Variants in VAPB observed in about 807,000 individuals in gnomAD.
VAPB encodes the protein VAMP associated protein B and C, also known as vesicle-associated membrane protein-associated protein B/C.
A neutral mutation model predicts 25.6 loss-of-function variants in VAPB; 7 were observed. The observed-to-expected ratio is 0.27, with a 90% confidence interval of 0.16 to 0.51. The LOEUF (loss-of-function observed/expected upper bound fraction) is 0.51, where lower values mean the gene tolerates loss of function less well. Among genes scored for constraint, VAPB ranks in the 20% least tolerant of loss-of-function variants. VAPB has a pLI of 0.97. For missense variants in VAPB, 266 were observed against 301.3 expected (o/e 0.88, Z 0.87); for synonymous variants, 112 against 109.2 (o/e 1.03, Z -0.16).
intron 1 of VAPB, among the ~76,000 whole-genome samples, chr20:58,395,090 CT>C (rs541399595): frequency 2.4e-4 from 37 of 151,444 alleles, no homozygotes; most frequent in African/African-American, 8.3e-4. Context: ...AATACTACCC[CT>C]AGGCATGATT....
chr20:58,429,113 G>T (rs1044081801), intron 2 of VAPB, among the ~76,000 whole-genome samples: 10 of 151,846 alleles, frequency 6.6e-5, no homozygotes, highest in Non-Finnish European at 1.2e-4. Flanking sequence ...TTTAAAAAAT[G>T]AAGCATATGC....
At chr20:58,429,381 A>C (rs540821892) in intron 2 of VAPB, among the ~76,000 whole-genome samples, 1 of 152,328 alleles carries the variant, frequency 6.6e-6, no homozygotes, top group South Asian at 2.1e-4. Context: ...TGCTCTGTTA[A>C]AGTGATTGCT....
chr20:58,419,216 A>C (rs905356285), intron 2 of VAPB, among the ~76,000 whole-genome samples: 1 of 152,170 alleles, frequency 6.6e-6, no homozygotes, highest in African/African-American at 2.4e-5. Flanking sequence ...GGCTTTTTCC[A>C]TGATAGATTT....
rs568150089 is a variant in VAPB, at chr20:58,449,612, A to G, written c.*5377A>G. The G allele has an allele frequency of 2.2e-6, 1 of 454,076 alleles. No homozygotes were observed. Among genetic ancestry groups the G allele is most frequent in the Non-Finnish European group, 4.4e-6 (1 of 226,728 alleles). 28.1% of individuals were successfully genotyped at this position (454,076 alleles called of 1,614,324 possible). A position where few individuals can be genotyped will look rare whatever the true frequency, so the allele number is the denominator to read the frequency against. On this transcript the variant is annotated 3_prime_UTR_variant, in exon 6 of 6. Transcript: ENST00000475243. ...CGATATGGATTGCTTTGATTAAAAG[A>G]TGTCAGTTGAATAAAACAGTACTGT...
chr20:58,435,009 G>A (rs188712291), intron 3 of VAPB, among the ~76,000 whole-genome samples: 16 of 152,034 alleles, frequency 1.1e-4, no homozygotes, highest in African/African-American at 3.6e-4. Context: ...GCCTTCTTTC[G>A]CCTCTCCTTT....
rs775084221 is a variant in VAPB, at chr20:58,445,770, T to C, written c.*1535T>C. Reference sequence around the variant, plus strand: ...CTGACAGTATGAAAAATGAAACTGCTGAAAAAGCTGAGCACCTGGTCACCC... The same window carrying C: ...CTGACAGTATGAAAAATGAAACTGCCGAAAAAGCTGAGCACCTGGTCACCC... On this transcript the variant is annotated 3_prime_UTR_variant, in exon 6 of 6. Transcript: ENST00000475243. The C allele has an allele frequency of 2.2e-6, 1 of 453,550 alleles. No homozygotes were observed. Among genetic ancestry groups the C allele is most frequent in the South Asian group, 1.6e-5 (1 of 64,454 alleles). 28.1% of individuals were successfully genotyped at this position (453,550 alleles called of 1,614,324 possible).
Position 58,445,096 on chromosome 20 carries a change from T to C in VAPB, c.*861T>C, listed in dbSNP as rs779052440. 4 of 454,028 alleles carry C rather than the reference T, an allele frequency of 8.8e-6. 1 individual carries two copies. In the East Asian group the frequency reaches 2.8e-4, roughly 32 times the overall value. The allele number at this position is 454,028 out of a possible 1,614,324, so 28.1% of individuals were successfully genotyped here. A position where few individuals can be genotyped will look rare whatever the true frequency, so the allele number is the denominator to read the frequency against. The stretch of plus-strand genomic sequence containing the variant: ...TCTGGAGAGTCTGGTCATGTGGAGG[T>C]GGGGTTTATTGGGATGCTGGAGAAG... On this transcript the variant is annotated 3_prime_UTR_variant, in exon 6 of 6. Transcript: ENST00000475243.
Position 58,418,232 on chromosome 20 carries a change from C to T in VAPB, c.80C>T (p.Thr27Ile). Residue 27 changes from threonine (T) to isoleucine (I), a missense_variant, in exon 2 of 6, where the codon ACC becomes ATC. Thr to Ile is a moderately conservative substitution (Grantham distance 89, BLOSUM62 -1). Coordinates refer to ENST00000475243, the MANE Select transcript of VAPB (RefSeq NM_004738.5). ...ACAGGTCCCTTCACCGATGTTGTCA[C>T]CACCAACCTAAAGCTTGGCAACCCG... ...KFRGPFTDVV[T>I]TNLKLGNPTD... 3.1e-6 allele frequency: 5 copies of T among 1,614,154 alleles called. No homozygotes were observed. Among genetic ancestry groups the T allele is most frequent in the Non-Finnish European group, 4.2e-6 (5 of 1,180,036 alleles).
At chr20:58,405,572 C>G (rs538554171) in intron 1 of VAPB, among the ~76,000 whole-genome samples, 1 of 151,336 alleles carries the variant, frequency 6.6e-6, no homozygotes, top group South Asian at 2.1e-4. Flanking sequence ...AAGCAATTCT[C>G]TTGCCTCAGC....
chr20:58,404,775 G>A (rs1238416015), intron 1 of VAPB, among the ~76,000 whole-genome samples: 1 of 151,994 alleles, frequency 6.6e-6, no homozygotes, highest in Non-Finnish European at 1.5e-5. Flanking sequence ...CAGTCCTAGA[G>A]ATTCTGATTC....
At chr20:58,426,988 C>T (rs549291556) in intron 2 of VAPB, among the ~76,000 whole-genome samples, 8 of 151,922 alleles carry the variant, frequency 5.3e-5, no homozygotes, top group Middle Eastern at 6.9e-3. Flanking sequence ...ATGATGCAGG[C>T]GAAAGTGATC....
At chr20:58,403,876 G>A (rs1207476492) in intron 1 of VAPB, among the ~76,000 whole-genome samples, 2 of 152,112 alleles carry the variant, frequency 1.3e-5, no homozygotes, top group African/African-American at 4.8e-5. Context: ...CTGGATCTTG[G>A]GAATGGCCCT....
chr20:58,451,040 A>G lies in VAPB; in HGVS notation c.*6805A>G, dbSNP rs189754910. On this transcript the variant is annotated 3_prime_UTR_variant, in exon 6 of 6. Coordinates refer to ENST00000475243, the MANE Select transcript of VAPB (RefSeq NM_004738.5). ...TGAAACCTGCCCTGCCAAGGCATAA[A>G]CTTTTGTACTAGCTGTCTCCATATT... 2.2e-6 allele frequency: 1 copy of G among 445,860 alleles called. No homozygotes were observed. The highest frequency in any genetic ancestry group is 2.4e-5 in the Admixed American group (1 of 41,524). The allele number at this position is 445,860 out of a possible 1,614,324, so 27.6% of individuals were successfully genotyped here. A position where few individuals can be genotyped will look rare whatever the true frequency, so the allele number is the denominator to read the frequency against.
Position 58,449,560 on chromosome 20 carries a change from C to G in VAPB, c.*5325C>G, listed in dbSNP as rs564127180. 2.2e-6 allele frequency: 1 copy of G among 454,000 alleles called. No homozygotes were observed. The highest frequency in any genetic ancestry group is 1.6e-5 in the South Asian group (1 of 64,472). The allele number at this position is 454,000 out of a possible 1,614,324, so 28.1% of individuals were successfully genotyped here. On this transcript the variant is annotated 3_prime_UTR_variant, in exon 6 of 6. Transcript: ENST00000475243. ...TTATCTAACTTGCCATAAATATTTG[C>G]AGTTATGATACCTTGGAATGTTGCC...
intron 1 of VAPB, among the ~76,000 whole-genome samples, chr20:58,391,154 G>A (rs1987785571): frequency 6.6e-6 from 1 of 152,142 alleles, no homozygotes; most frequent in Admixed American, 6.5e-5. Context: ...GGCCTGGCTT[G>A]GCTTCTCCTG....
rs1431691432 is a variant in VAPB, at chr20:58,425,777, A to C, written c.211+7414A>C. On this transcript the variant is annotated intron_variant, in intron 2 of 5. Coordinates refer to ENST00000475243, the MANE Select transcript of VAPB (RefSeq NM_004738.5). The stretch of plus-strand genomic sequence containing the variant: ...CTCACTGCAGCCCTGCTAACACAAA[A>C]ATTCCGGAGGTGGGGTCCAGCAGTC... Among the ~76,000 whole-genome samples the C allele has an allele frequency of 5.9e-5, 9 of 152,178 alleles. No individual in the cohort carries two copies. The South Asian group carries it at 1.9e-3, about 31-fold the overall frequency.
chr20:58,420,265 G>A (rs11698141), intron 2 of VAPB, among the ~76,000 whole-genome samples: 18,781 of 152,230 alleles, frequency 0.12, 1,181 homozygotes, highest in African/African-American at 0.14. Context: ...GATTACAGGC[G>A]TGAGCCACCG....
intron 1 of VAPB, among the ~76,000 whole-genome samples, chr20:58,410,043 C>T (rs1321639399): frequency 6.6e-6 from 1 of 152,008 alleles, no homozygotes; most frequent in Non-Finnish European, 1.5e-5. Context: ...TTTTCCCCTT[C>T]CTTTTTTTAA....
At chr20:58,404,311 G>T (rs918351236) in intron 1 of VAPB, among the ~76,000 whole-genome samples, 40 of 152,078 alleles carry the variant, frequency 2.6e-4, no homozygotes, top group African/African-American at 9.4e-4. Context: ...CACCCCTCTC[G>T]TACCCCTTCC....
Sources: allele counts gnomAD v4.1 joint callset (sites outside exome capture counted in the v4.1 genomes callset), GRCh38; gene constraint gnomAD v4.1.1; transcripts MANE v1.5; gene names NCBI Gene and HGNC (gene_info 2026-07-23, HGNC 2026-07-21).